The following MGAT4C variants were observed in gnomAD, a reference collection of about 807,000 sequenced individuals.
MGAT4C encodes alpha-1,3-mannosyl-glycoprotein 4-beta-N-acetylglucosaminyltransferase C.
A neutral mutation model predicts 40.1 loss-of-function variants in MGAT4C; 19 were observed. The observed-to-expected ratio is 0.47, with a 90% CI of 0.33 to 0.70. The LOEUF is 0.70. Ranked by LOEUF, MGAT4C falls within the 30% of genes least tolerant of loss-of-function variation. The probability of loss-of-function intolerance (pLI) is 0.02; values close to 1 mark genes in which losing one functional copy is unlikely to be tolerated. For missense variants in MGAT4C, 491 were observed against 563.2 expected (o/e 0.87, Z 1.30); for synonymous variants, 181 against 187.1 (o/e 0.97, Z 0.27).
At chr12:86,806,514 T>C (rs1489847651) in intron 1 of MGAT4C, among the ~76,000 whole-genome samples, 1 of 151,948 alleles carries the variant, frequency 6.6e-6, no homozygotes, top group Non-Finnish European at 1.5e-5. Flanking sequence ...TAAGTTCATA[T>C]ATACACTACT....
At chr12:86,154,161 G>A (rs192911551) in intron 1 of MGAT4C, among the ~76,000 whole-genome samples, 3 of 152,238 alleles carry the variant, frequency 2.0e-5, no homozygotes, top group Non-Finnish European at 1.5e-5. Context: ...TGAGAAAGTG[G>A]AAGGCAGTTC....
At chr12:86,474,833 T>C (rs962110116) in intron 2 of MGAT4C, among the ~76,000 whole-genome samples, 2 of 152,058 alleles carry the variant, frequency 1.3e-5, no homozygotes, top group African/African-American at 4.8e-5. Context: ...GGACACCTTT[T>C]AAATGCATTA....
At chr12:86,647,441 T>G (rs1963573737) in intron 2 of MGAT4C, among the ~76,000 whole-genome samples, 1 of 151,922 alleles carries the variant, frequency 6.6e-6, no homozygotes, top group Non-Finnish European at 1.5e-5. Context: ...TTTATGTAAA[T>G]TGATCAAGGT....
chr12:86,394,395 C>T (rs1315122679), intron 3 of MGAT4C, among the ~76,000 whole-genome samples: 1 of 150,550 alleles, frequency 6.6e-6, no homozygotes, highest in African/African-American at 2.4e-5. Flanking sequence ...AGGCTGTATG[C>T]TCCATTGATA....
chr12:86,618,505 T>C (rs1368162763), intron 2 of MGAT4C, among the ~76,000 whole-genome samples: 1 of 152,200 alleles, frequency 6.6e-6, no homozygotes, highest in African/African-American at 2.4e-5. Flanking sequence ...TAACAGTGAA[T>C]GAAATTTTGT....
chr12:86,298,846 T>C (rs1192752671), intron 4 of MGAT4C, among the ~76,000 whole-genome samples: 2 of 152,168 alleles, frequency 1.3e-5, no homozygotes, highest in African/African-American at 4.8e-5. Flanking sequence ...TTAGTATATC[T>C]ATACCAATCA....
At chr12:86,212,917 A>C (rs1468707247) in intron 1 of MGAT4C, among the ~76,000 whole-genome samples, 6 of 147,784 alleles carry the variant, frequency 4.1e-5, no homozygotes, top group South Asian at 4.3e-4. Flanking sequence ...AAAAAAAAAA[A>C]AAAAGAACAC....
chr12:86,150,714 C>T (rs1476970565), intron 1 of MGAT4C, among the ~76,000 whole-genome samples: 1 of 152,042 alleles, frequency 6.6e-6, no homozygotes, highest in Non-Finnish European at 1.5e-5. Flanking sequence ...TCACAGGATT[C>T]AGAAATCTCC....
At chr12:86,816,464 T>A (rs775908356) in intron 1 of MGAT4C, among the ~76,000 whole-genome samples, 197 of 151,858 alleles carry the variant, frequency 1.3e-3, no homozygotes, top group Non-Finnish European at 2.2e-3. Context: ...TTTAAAAAAA[T>A]TTTTAATCTT....
At chr12:86,231,925 G>A (rs920310103) in intron 1 of MGAT4C, among the ~76,000 whole-genome samples, 1 of 152,064 alleles carries the variant, frequency 6.6e-6, no homozygotes, top group African/African-American at 2.4e-5. Flanking sequence ...GATCACTTGA[G>A]GTCAGGAGTT....
At chr12:86,310,533 TAAGTTA>T (rs945383362) in intron 4 of MGAT4C, among the ~76,000 whole-genome samples, 16 of 152,088 alleles carry the variant, frequency 1.1e-4, no homozygotes, top group Non-Finnish European at 1.8e-4. Flanking sequence ...AAAAAAAGTT[TAAGTTA>T]ATGTGAATAC....
intron 1 of MGAT4C, among the ~76,000 whole-genome samples, chr12:86,745,599 T>G (rs1951140407): frequency 6.6e-6 from 1 of 151,642 alleles, no homozygotes; most frequent in Admixed American, 6.6e-5. Flanking sequence ...CCAGAAACAT[T>G]GGCCTAGAAA....
chr12:86,672,585 GA>G (rs1383185806), intron 2 of MGAT4C, among the ~76,000 whole-genome samples: 4 of 151,904 alleles, frequency 2.6e-5, no homozygotes, highest in African/African-American at 9.7e-5. Flanking sequence ...GATGAAAAAG[GA>G]GACAATACAT....
chr12:86,655,201 A>G (rs746967323), intron 2 of MGAT4C, among the ~76,000 whole-genome samples: 7 of 151,826 alleles, frequency 4.6e-5, no homozygotes, highest in South Asian at 4.2e-4. Context: ...CCAGCCCCCA[A>G]TCGGCCCGGG....
At chr12:86,153,329 T>G (rs1290947695) in intron 1 of MGAT4C, among the ~76,000 whole-genome samples, 1 of 152,114 alleles carries the variant, frequency 6.6e-6, no homozygotes, top group East Asian at 1.9e-4. Flanking sequence ...CACAACAAAG[T>G]AAAATATTTA....
chr12:86,116,501 T>C (rs528776742), intron 1 of MGAT4C, among the ~76,000 whole-genome samples: 2 of 151,978 alleles, frequency 1.3e-5, no homozygotes, highest in East Asian at 3.9e-4. Flanking sequence ...GAATTAAGAG[T>C]AATTATTCAC....
chr12:86,510,047 C>A (rs531850581), intron 2 of MGAT4C, among the ~76,000 whole-genome samples: 1 of 152,074 alleles, frequency 6.6e-6, no homozygotes, highest in Admixed American at 6.6e-5. Context: ...ATTGAATACC[C>A]TTTATTTCCT....
chr12:86,292,516 C>A (rs541948573), intron 4 of MGAT4C, among the ~76,000 whole-genome samples: 3 of 151,682 alleles, frequency 2.0e-5, no homozygotes, highest in Non-Finnish European at 4.4e-5. Flanking sequence ...CCCATTTTCC[C>A]CCAAATTCAA....
intron 1 of MGAT4C, among the ~76,000 whole-genome samples, chr12:86,128,928 G>A (rs1415996749): frequency 6.6e-6 from 1 of 152,080 alleles, no homozygotes; most frequent in Non-Finnish European, 1.5e-5. Context: ...TGAAAAGGGT[G>A]TCCTTTCCCC....
Sources: gnomAD v4.1 joint callset for allele counts (sites outside exome capture counted in the v4.1 genomes callset) on GRCh38, gnomAD v4.1.1 for gene constraint, MANE v1.5 for transcripts, NCBI Gene and HGNC (gene_info 2026-07-23, HGNC 2026-07-21) for gene names.